CRLF2: variants seen among roughly 807,000 people sequenced by gnomAD.
CRLF2 encodes cytokine receptor-like factor 2.
Under a neutral mutation model 38.7 loss-of-function variants are expected in CRLF2, and 41 were observed. The observed-to-expected ratio is 1.06, with a 90% confidence interval of 0.83 to 1.37. The LOEUF (loss-of-function observed/expected upper bound fraction) is 1.37. Ranked by LOEUF, CRLF2 falls within the 40% of genes most tolerant of loss-of-function variation. The probability of loss-of-function intolerance (pLI) is 0.00; values close to 1 mark genes in which losing one functional copy is unlikely to be tolerated. For missense variants in CRLF2, 377 were observed against 322.2 expected (o/e 1.17, Z -1.30); for synonymous variants, 140 against 128.8 (o/e 1.09, Z -0.59).
chrX:1,196,261 C>G (rs2086473226), intron 6 of CRLF2, among the ~76,000 whole-genome samples: 1 of 149,276 alleles, frequency 6.7e-6, no homozygotes, highest in African/African-American at 2.5e-5. Flanking sequence ...AATCTCCGCT[C>G]ACAGCAAGCT....
At position 1,212,631 on chromosome X, in the gene CRLF2, C is replaced by G; in HGVS notation, c.4G>C (p.Gly2Arg). ...GCTCCCCACAGCAGAACCAGCCGCCCCATGCCTGAAACAGGAGTGGAGAGT... is the reference window on the plus strand; with the variant it reads ...GCTCCCCACAGCAGAACCAGCCGCCGCATGCCTGAAACAGGAGTGGAGAGT... M[G>R]RLVLLWGAAV... Residue 2 changes from glycine to arginine, a missense_variant, in exon 1 of 8, where the codon GGG becomes CGG. By Grantham distance (125) the Gly-to-Arg change is moderately radical. Coordinates refer to ENST00000400841, the MANE Select transcript of CRLF2 (RefSeq NM_022148.4). 1 of 1,611,420 alleles carries G rather than the reference C, an allele frequency of 6.2e-7. No homozygotes were observed. The highest frequency in any genetic ancestry group is 8.5e-7 in the Non-Finnish European group (1 of 1,178,046).
Position 1,192,765 on chromosome X carries a change from T to TTTCCTTCC in CRLF2, c.852+445_852+452dup, listed in dbSNP as rs1156877362. 1.4e-3 allele frequency among the ~76,000 whole-genome samples: 157 copies of TTTCCTTCC among 116,006 alleles called. 2 individuals carry two copies. The highest frequency in any genetic ancestry group is 6.3e-3 in the East Asian group (24 of 3,786). The allele number at this position is 116,006 out of a possible 152,430, so 76.1% of individuals were successfully genotyped here. A position where few individuals can be genotyped will look rare whatever the true frequency, so the allele number is the denominator to read the frequency against. On this transcript the variant is annotated intron_variant, in intron 7 of 7. Coordinates refer to ENST00000400841, the MANE Select transcript of CRLF2 (RefSeq NM_022148.4). Reference sequence around the variant, plus strand: ...CTTTCTTTCTTTCTTTCTTTCTTTCTTTCCTTCCTTCCTCTCTCCCCCTTT... The same window carrying TTTCCTTCC: ...CTTTCTTTCTTTCTTTCTTTCTTTCTTTCCTTCCTTCCTTCCTTCCTCTCTCCCCCTTT...
chrX:1,192,716 C>CT (rs1217262965), intron 7 of CRLF2, among the ~76,000 whole-genome samples: 5 of 32,686 alleles, frequency 1.5e-4, no homozygotes, highest in Non-Finnish European at 2.7e-4. Flanking sequence ...TCTTTTCTTT[C>CT]TTTCTTTCTT....
chrX:1,197,040 GT>G (rs1277769496), intron 5 of CRLF2, 140 bp from the exon 6 acceptor site: 3 of 570,982 alleles, frequency 5.3e-6, no homozygotes, highest in Admixed American at 8.7e-5. Flanking sequence ...CTCGTTGTTT[GT>G]TTTTTGTTTT....
intron 2 of CRLF2, 40 bp downstream of exon 2, chrX:1,208,766 G>GC (rs1358900624): frequency 1.7e-6 from 2 of 1,202,198 alleles, no homozygotes. Context: ...GCGATTTTGA[G>GC]CCCCCTGGGC....
chrX:1,196,237 G>C (rs1352923212), intron 6 of CRLF2, among the ~76,000 whole-genome samples: 32 of 146,744 alleles, frequency 2.2e-4, no homozygotes, highest in African/African-American at 7.6e-4. Flanking sequence ...GCCCAGGCTG[G>C]AGTGCAGTGG....
Position 1,197,204 on chromosome X carries a change from T to C in CRLF2, c.647-304A>G, listed in dbSNP as rs1467270458. Among the ~76,000 whole-genome samples the C allele has an allele frequency of 1.4e-4, 21 of 151,362 alleles. No homozygotes were observed. The East Asian group carries it at 4.1e-3, about 29-fold the overall frequency. ...GTCTCCCGGACTCAAGCGATTCTCC[T>C]GTCTCAGCCTCCCGAGCAGCTGGGA... On this transcript the variant is annotated intron_variant, in intron 5 of 7. Transcript: ENST00000400841.
intron 1 of CRLF2, among the ~76,000 whole-genome samples, chrX:1,210,462 T>C (rs1404967393): frequency 1.3e-5 from 2 of 152,068 alleles, no homozygotes; most frequent in African/African-American, 2.4e-5. Flanking sequence ...TACAGGCACC[T>C]GCCACCATGC....
intron 3 of CRLF2, among the ~76,000 whole-genome samples, chrX:1,203,143 G>A (rs1282326680): frequency 6.9e-6 from 1 of 145,352 alleles, no homozygotes; most frequent in Non-Finnish European, 1.5e-5. Flanking sequence ...GATTCAGTTA[G>A]TTAGGATCAT....
At chrX:1,211,357 G>GTGGGTGGATGGA (rs1378450778) in intron 1 of CRLF2, among the ~76,000 whole-genome samples, 2 of 46,474 alleles carry the variant, frequency 4.3e-5, no homozygotes, top group Non-Finnish European at 8.2e-5. Context: ...GGGTGGATGG[G>GTGGGTGGATGGA]TGGATGGATG....
rs1375997246 is a variant in CRLF2, at chrX:1,203,746, A to G, written c.350-1211T>C. 4.6e-5 allele frequency among the ~76,000 whole-genome samples: 7 copies of G among 152,258 alleles called. No individual in the cohort carries two copies. The East Asian group carries it at 9.7e-4, about 21-fold the overall frequency. ...TCTCAGAAATCTCCATCTCAGACTC[A>G]TGGGCTTCAAAACTGGGAGAGAATA... On this transcript the variant is annotated intron_variant, in intron 3 of 7. Transcript: ENST00000400841.
intron 6 of CRLF2, 32 bp from the exon 7 acceptor site, chrX:1,193,334 G>A (rs1284307215): frequency 3.8e-5 from 15 of 398,576 alleles, no homozygotes; most frequent in East Asian, 2.5e-4. Context: ...TGGTCAGGTC[G>A]GCCACAGCCC....
At chrX:1,206,394 G>C (rs1244713580) in intron 3 of CRLF2, 39 bp downstream of exon 3, 1 of 1,580,828 alleles carries the variant, frequency 6.3e-7, no homozygotes, top group Non-Finnish European at 8.7e-7. Context: ...GCTGAAGGAA[G>C]TACTGAAAAG....
At chrX:1,195,319 A>C (rs1389377905) in intron 6 of CRLF2, among the ~76,000 whole-genome samples, 1 of 152,138 alleles carries the variant, frequency 6.6e-6, no homozygotes, top group East Asian at 1.9e-4. Context: ...CAAAGCCAAA[A>C]ATTCAGTGAG....
At chrX:1,191,887 G>C (rs1226009168) in intron 7 of CRLF2, among the ~76,000 whole-genome samples, 2 of 152,000 alleles carry the variant, frequency 1.3e-5, no homozygotes, top group Non-Finnish European at 2.9e-5. Flanking sequence ...AGTCAGCCAA[G>C]GTGATTCCAA....
chrX:1,209,168 C>T (rs1303205649), intron 1 of CRLF2, among the ~76,000 whole-genome samples: 3 of 151,362 alleles, frequency 2.0e-5, no homozygotes, highest in East Asian at 2.0e-4. Context: ...GGGGTTTCAC[C>T]GTGTTAGCCA....
intron 1 of CRLF2, among the ~76,000 whole-genome samples, chrX:1,209,909 C>G (rs2086764832): frequency 6.6e-6 from 1 of 151,654 alleles, no homozygotes; most frequent in African/African-American, 2.4e-5. Context: ...CGAGACCAGC[C>G]TGGCCAACAT....
intron 4 of CRLF2, among the ~76,000 whole-genome samples, chrX:1,200,394 T>C (rs1211374308): frequency 1.8e-5 from 2 of 108,258 alleles, no homozygotes; most frequent in Non-Finnish European, 4.1e-5. Flanking sequence ...TGTATATATG[T>C]GTGTGTATAT....
At chrX:1,210,734 G>A (rs2086782450) in intron 1 of CRLF2, among the ~76,000 whole-genome samples, 1 of 152,134 alleles carries the variant, frequency 6.6e-6, no homozygotes, top group Non-Finnish European at 1.5e-5. Context: ...TAGATAAATG[G>A]TAATGTTAGA....
Sources: gnomAD v4.1 joint callset for allele counts (sites outside exome capture counted in the v4.1 genomes callset) on GRCh38, gnomAD v4.1.1 for gene constraint, MANE v1.5 for transcripts, NCBI Gene and HGNC (gene_info 2026-07-23, HGNC 2026-07-21) for gene names.